SEMA6A: variants seen among roughly 807,000 people sequenced by gnomAD.
SEMA6A encodes the protein semaphorin 6A.
A neutral mutation model predicts 96.8 loss-of-function variants in SEMA6A; 25 were observed. The observed-to-expected ratio is 0.26, with a 90% CI of 0.19 to 0.36. SEMA6A has a LOEUF of 0.36. Among genes scored for constraint, SEMA6A ranks in the 10% least tolerant of loss-of-function variants. The pLI is 1.00. For synonymous variants in SEMA6A, 612 were observed against 518.0 expected (o/e 1.18, Z -2.46); for missense variants, 1,363 against 1,323.1 (o/e 1.03, Z -0.47).
In SEMA6A at chr5:116,502,342, G is replaced by GA; in HGVS notation, c.101-16dup. On this transcript the variant is annotated splice_polypyrimidine_tract_variant and intron_variant, in intron 2 of 18. Transcript: ENST00000343348. The stretch of plus-strand genomic sequence containing the variant: ...CTGTTTTGTATCTGTGAAAAGAGGA[G>GA]ATGGGGCAAGAAAGGAAAAGCAAAT... 6.2e-7 allele frequency: 1 copy of GA among 1,608,476 alleles called. No homozygotes were observed. The highest frequency in any genetic ancestry group is 1.1e-5 in the South Asian group (1 of 90,970).
intron 10 of SEMA6A, 191 bp downstream of exon 10, chr5:116,486,558 A>G (rs1470697804): frequency 3.6e-6 from 2 of 561,134 alleles, no homozygotes; most frequent in Non-Finnish European, 6.4e-6. Flanking sequence ...TACTTCCCCT[A>G]AAACCTAACT....
chr5:116,567,921 G>A (rs1580526935), intron 1 of SEMA6A, among the ~76,000 whole-genome samples: 1 of 152,170 alleles, frequency 6.6e-6, no homozygotes, highest in East Asian at 1.9e-4. Flanking sequence ...TGGCAGAATG[G>A]TACTCCTATG....
At chr5:116,564,412 T>G (rs1760942864) in intron 1 of SEMA6A, among the ~76,000 whole-genome samples, 1 of 152,234 alleles carries the variant, frequency 6.6e-6, no homozygotes, top group Non-Finnish European at 1.5e-5. Flanking sequence ...TTATTTTATG[T>G]TTTAATCTAC....
intron 16 of SEMA6A, 52 bp downstream of exon 16, chr5:116,475,493 C>A: frequency 7.7e-7 from 1 of 1,297,032 alleles, no homozygotes. Flanking sequence ...CTAGGCCATT[C>A]ACTGAAAGCA....
rs142062123 is a variant in SEMA6A at position 116,508,940 on chromosome 5, G to C, written c.-38-3958C>G. 4.8e-3 allele frequency among the ~76,000 whole-genome samples: 738 copies of C among 152,306 alleles called. 6 individuals are homozygous for C. Among genetic ancestry groups the C allele is most frequent in the African/African-American group, 0.017 (710 of 41,564 alleles). On this transcript the variant is annotated intron_variant, in intron 1 of 18. Transcript: ENST00000343348. ...ATTCTGTTCCTCTTGACCATCATCT[G>C]CAAGTGGCTGAGCAGCCTTAGCAAG...
chr5:116,478,548 GA>G lies in SEMA6A; in HGVS notation c.1420del (p.Ser474LeufsTer34). On this transcript the variant is annotated frameshift_variant, in exon 13 of 19. Transcript: ENST00000343348. LOFTEE classifies it high-confidence loss of function. ...AACCAAATATTCCACTTACTTTTCAGAGTTGTAAACACTCATCTCCTCCAGG... is the reference window on the plus strand; with the variant it reads ...AACCAAATATTCCACTTACTTTTCAGGTTGTAAACACTCATCTCCTCCAGG... ...LFLEEMSVYN[S>X]EKCSYDGVED... is the part of the protein sequence containing the mutation. 2 of 1,607,946 alleles carry G rather than the reference GA, an allele frequency of 1.2e-6. No individual in the cohort carries two copies. The highest frequency in any genetic ancestry group is 3.4e-5 in the Admixed American group (2 of 59,084).
intron 17 of SEMA6A, chr5:116,471,436 G>T (rs1205248012): frequency 6.6e-6 from 1 of 152,158 alleles, no homozygotes; most frequent in Non-Finnish European, 1.5e-5. Flanking sequence ...TTCGTTTCAA[G>T]ATCTTAATTT....
chr5:116,573,756 C>T (rs1761339913), intron 1 of SEMA6A, among the ~76,000 whole-genome samples: 1 of 152,134 alleles, frequency 6.6e-6, no homozygotes, highest in Non-Finnish European at 1.5e-5. Context: ...CCCTCGAGGG[C>T]AGAACCCCTT....
chr5:116,447,136 T>C lies in SEMA6A; in HGVS notation c.2570A>G (p.Glu857Gly). 6.2e-7 allele frequency: 1 copy of C among 1,613,952 alleles called. No homozygotes were observed. The highest frequency in any genetic ancestry group is 8.5e-7 in the Non-Finnish European group (1 of 1,179,882). The change falls in exon 19 of 19, where the codon GAA becomes GGA. Residue 857 changes from glutamate (E) to glycine (G), a missense_variant. Transcript: ENST00000343348. ...AATLEYKTIKEHLSSKSPNHG... is the reference protein window; with the variant it reads ...AATLEYKTIKGHLSSKSPNHG... The stretch of plus-strand genomic sequence containing the variant: ...GTTGGGACTCTTGCTGCTGAGATGT[T>C]CCTTGATGGTCTTATACTCCAGTGT...
At chr5:116,455,820 T>C (rs1248914616) in intron 18 of SEMA6A, among the ~76,000 whole-genome samples, 1 of 152,160 alleles carries the variant, frequency 6.6e-6, no homozygotes, top group Non-Finnish European at 1.5e-5. Flanking sequence ...GACCTGGGTT[T>C]GCGTGTTGGC....
At position 116,447,284 on chromosome 5, in the gene SEMA6A, A is replaced by C. The variant is rs774967202; in HGVS notation, c.2422T>G (p.Ser808Ala). 6.2e-7 allele frequency: 1 copy of C among 1,613,332 alleles called. No individual in the cohort carries two copies. Among genetic ancestry groups the C allele is most frequent in the South Asian group, 1.1e-5 (1 of 91,078 alleles). ...VIPTDLPLRA[S>A]PSHIPSVVVL... ...ACCACGCTGGGGATGTGGCTGGGGG[A>C]GGCCCGCAGGGGCAGGTCCGTGGGA... Residue 808 changes from serine (S) to alanine (A), a missense_variant, in exon 19 of 19, where the codon TCC becomes GCC. By Grantham distance (99) the Ser-to-Ala change is moderately conservative. Around this residue, in one of 2 missense-constraint regions of SEMA6A, gnomAD observed 883 missense variants for 763.6 expected, o/e 1.16. Transcript: ENST00000343348.
At chr5:116,509,747 G>A (rs980577613) in intron 1 of SEMA6A, among the ~76,000 whole-genome samples, 2 of 152,094 alleles carry the variant, frequency 1.3e-5, no homozygotes, top group African/African-American at 4.8e-5. Context: ...GGGGACCCAG[G>A]CTGAGGTGGG....
chr5:116,558,967 T>G (rs550318169), intron 1 of SEMA6A, among the ~76,000 whole-genome samples: 1 of 152,326 alleles, frequency 6.6e-6, no homozygotes, highest in African/African-American at 2.4e-5. Context: ...TAAAATTGTT[T>G]GGAATGAAAT....
chr5:116,524,347 A>G (rs1167655093), intron 1 of SEMA6A, among the ~76,000 whole-genome samples: 3 of 152,212 alleles, frequency 2.0e-5, no homozygotes, highest in Admixed American at 1.3e-4. Context: ...GTAACTGACT[A>G]TTTATCATCA....
At chr5:116,522,020 T>C (rs1035216741) in intron 1 of SEMA6A, among the ~76,000 whole-genome samples, 2 of 152,208 alleles carry the variant, frequency 1.3e-5, no homozygotes, top group Admixed American at 6.5e-5. Flanking sequence ...TATCAGTGCA[T>C]TCAGTACCCC....
At chr5:116,543,325 T>C (rs1302069178) in intron 1 of SEMA6A, among the ~76,000 whole-genome samples, 2 of 152,350 alleles carry the variant, frequency 1.3e-5, no homozygotes, top group East Asian at 3.9e-4. Flanking sequence ...GAAAAGGTTC[T>C]CTCCCACTTC....
chr5:116,534,572 C>T (rs903075512), intron 1 of SEMA6A, among the ~76,000 whole-genome samples: 1 of 152,224 alleles, frequency 6.6e-6, no homozygotes, highest in Admixed American at 6.5e-5. Context: ...TAGGACAGAG[C>T]TTCTTTGACC....
chr5:116,552,042 G>A (rs1342036671), intron 1 of SEMA6A, among the ~76,000 whole-genome samples: 1 of 151,810 alleles, frequency 6.6e-6, no homozygotes. Flanking sequence ...GGTGACAAAG[G>A]AAAATACAGG....
At chr5:116,535,749 C>G (rs1476255474) in intron 1 of SEMA6A, among the ~76,000 whole-genome samples, 1 of 152,164 alleles carries the variant, frequency 6.6e-6, no homozygotes, top group Non-Finnish European at 1.5e-5. Context: ...GGAGCTTCTG[C>G]TCCAGAGACT....
Sources: allele counts gnomAD v4.1 joint callset (sites outside exome capture counted in the v4.1 genomes callset), GRCh38; gene constraint gnomAD v4.1.1; regional missense constraint gnomAD v4.1.1; transcripts MANE v1.5; gene names NCBI Gene and HGNC (gene_info 2026-07-23, HGNC 2026-07-21).